The following GPC6 variants were observed in gnomAD, a reference collection of about 807,000 sequenced individuals.
The protein encoded by GPC6 is glypican-6.
A neutral mutation model predicts 55.2 loss-of-function variants in GPC6; 14 were observed. The ratio of observed to expected loss-of-function variants is 0.25; its 90% CI spans 0.17 to 0.40. The LOEUF (loss-of-function observed/expected upper bound fraction) is 0.40, where lower values mean the gene tolerates loss of function less well. Among genes scored for constraint, GPC6 ranks in the 10% least tolerant of loss-of-function variants. The pLI is 1.00. For missense variants in GPC6, 641 were observed against 708.5 expected, an observed-to-expected ratio of 0.90 and a Z score of 1.08; for synonymous variants, 278 against 259.6, an observed-to-expected ratio of 1.07 and a Z score of -0.68.
chr13:93,607,099 A>T (rs1364438083), intron 2 of GPC6, among the ~76,000 whole-genome samples: 1 of 152,276 alleles, frequency 6.6e-6, no homozygotes, highest in South Asian at 2.1e-4. Context: ...GAAATCTATG[A>T]TATAATCTGG....
intron 6 of GPC6, among the ~76,000 whole-genome samples, chr13:94,354,277 C>A (rs556082561): frequency 4.2e-4 from 63 of 151,678 alleles, no homozygotes; most frequent in Admixed American, 1.3e-3. Flanking sequence ...CATAATCCAG[C>A]AGTCAACTGA....
the GPC6 span, among the ~76,000 whole-genome samples, chr13:93,220,978 G>A: frequency 6.6e-6 from 1 of 152,014 alleles, no homozygotes; most frequent in Admixed American, 6.6e-5. Flanking sequence ...GACCTCCCAG[G>A]CTCTGGTGAT....
At chr13:93,747,675 G>A (rs1884444537) in intron 2 of GPC6, among the ~76,000 whole-genome samples, 1 of 152,156 alleles carries the variant, frequency 6.6e-6, no homozygotes, top group South Asian at 2.1e-4. Context: ...TTAAGAAATA[G>A]GATTTGTGGA....
At chr13:93,593,065 A>T (rs908937546) in intron 2 of GPC6, among the ~76,000 whole-genome samples, 1 of 152,098 alleles carries the variant, frequency 6.6e-6, no homozygotes, top group African/African-American at 2.4e-5. Flanking sequence ...AATAAATGAG[A>T]TAATCTTTGA....
intron 2 of GPC6, among the ~76,000 whole-genome samples, chr13:93,577,580 AT>A (rs1876724830): frequency 6.6e-6 from 1 of 152,062 alleles, no homozygotes; most frequent in East Asian, 1.9e-4. Flanking sequence ...TACTGAATTT[AT>A]CAATTCTGAC....
intron 7 of GPC6, 145 bp from the exon 8 acceptor site, chr13:94,398,321 A>T: frequency 1.5e-6 from 1 of 663,766 alleles, no homozygotes; most frequent in Non-Finnish European, 2.7e-6. Flanking sequence ...ACTATTTGGC[A>T]TTTTTTTTCC....
intron 2 of GPC6, among the ~76,000 whole-genome samples, chr13:93,724,648 A>T (rs1046864432): frequency 6.6e-6 from 1 of 152,058 alleles, no homozygotes; most frequent in Non-Finnish European, 1.5e-5. Flanking sequence ...TTTAGAAGTA[A>T]TCTGAGAAAT....
At chr13:93,530,327 CA>C (rs1271211421) in intron 1 of GPC6, among the ~76,000 whole-genome samples, 1 of 152,198 alleles carries the variant, frequency 6.6e-6, no homozygotes, top group African/African-American at 2.4e-5. Flanking sequence ...CACTGTCCAC[CA>C]TTCTTAAAAT....
intron 4 of GPC6, among the ~76,000 whole-genome samples, chr13:94,180,830 C>G (rs1458347236): frequency 6.6e-6 from 1 of 151,850 alleles, no homozygotes; most frequent in Non-Finnish European, 1.5e-5. Context: ...CATCTAAATT[C>G]AAGGTAACAG....
intron 4 of GPC6, among the ~76,000 whole-genome samples, chr13:94,078,738 C>T (rs766548971): frequency 6.6e-6 from 1 of 151,856 alleles, no homozygotes; most frequent in Non-Finnish European, 1.5e-5. Flanking sequence ...AGTAACAAGA[C>T]TGACACAGTA....
At chr13:93,929,875 A>G (rs1162413266) in intron 3 of GPC6, among the ~76,000 whole-genome samples, 2 of 152,052 alleles carry the variant, frequency 1.3e-5, no homozygotes, top group South Asian at 2.1e-4. Flanking sequence ...AAAGAAGAGA[A>G]GAGAAAAGAA....
chr13:94,128,365 A>C (rs911805435), intron 4 of GPC6, among the ~76,000 whole-genome samples: 1 of 152,198 alleles, frequency 6.6e-6, no homozygotes, highest in East Asian at 1.9e-4. Context: ...ACAATAGATC[A>C]CTGTATCTGT....
intron 4 of GPC6, among the ~76,000 whole-genome samples, chr13:94,206,920 A>G (rs1889921596): frequency 6.6e-6 from 1 of 152,148 alleles, no homozygotes; most frequent in African/African-American, 2.4e-5. Context: ...ATGCAAACCA[A>G]CCAGTCCAGA....
At chr13:93,975,726 T>C (rs1411769805) in intron 3 of GPC6, among the ~76,000 whole-genome samples, 1 of 152,148 alleles carries the variant, frequency 6.6e-6, no homozygotes, top group African/African-American at 2.4e-5. Context: ...TGACTACTGA[T>C]GAGGAGAGAC....
chr13:93,529,662 GCCCGCCA>G, intron 1 of GPC6, among the ~76,000 whole-genome samples: 1 of 151,648 alleles, frequency 6.6e-6, no homozygotes, highest in East Asian at 1.9e-4. Context: ...GATTACAGGT[GCCCGCCA>G]CCACGCCCAT....
chr13:93,499,106 C>CAA (rs1880423910), intron 1 of GPC6, among the ~76,000 whole-genome samples: 1 of 151,696 alleles, frequency 6.6e-6, no homozygotes, highest in Admixed American at 6.6e-5. Flanking sequence ...CACACACACA[C>CAA]ACACACACAC....
At chr13:93,838,747 G>A (rs931553448) in intron 3 of GPC6, among the ~76,000 whole-genome samples, 4 of 152,110 alleles carry the variant, frequency 2.6e-5, no homozygotes, top group South Asian at 2.1e-4. Flanking sequence ...GCATGGAGCA[G>A]ATTGGGGAGC....
chr13:93,540,374 G>C (rs1469645946), intron 1 of GPC6, among the ~76,000 whole-genome samples: 1 of 152,064 alleles, frequency 6.6e-6, no homozygotes, highest in African/African-American at 2.4e-5. Flanking sequence ...AAAAGTATTG[G>C]AGTATTTCTC....
At chr13:94,398,264 G>T (rs1880980214) in intron 7 of GPC6, among the ~76,000 whole-genome samples, 2 of 151,658 alleles carry the variant, frequency 1.3e-5, no homozygotes, top group Admixed American at 1.3e-4. Flanking sequence ...CTAGTCTGAG[G>T]CTATTTTAGC....
Sources: allele counts gnomAD v4.1 joint callset (sites outside exome capture counted in the v4.1 genomes callset), GRCh38; gene constraint gnomAD v4.1.1; transcripts MANE v1.5; gene names NCBI Gene and HGNC (gene_info 2026-07-23, HGNC 2026-07-21).